Variants in FOCAD observed in about 807,000 individuals in gnomAD.
The protein encoded by FOCAD is focadhesin.
Under a neutral mutation model 225.6 loss-of-function variants are expected in FOCAD, and 198 were observed. That is an observed-to-expected ratio of 0.88 (90% CI 0.78 to 0.99). The LOEUF (loss-of-function observed/expected upper bound fraction) is 0.99. Among genes scored for constraint, FOCAD ranks in the 50% least tolerant of loss-of-function variants. The pLI, the probability that FOCAD is intolerant of heterozygous loss-of-function variation, is 0.00. For synonymous variants in FOCAD, 897 were observed against 755.0 expected (o/e 1.19, Z -3.08); for missense variants, 2,713 against 2,123.6 (o/e 1.28, Z -5.46).
In FOCAD at chr9:20,765,025, G is replaced by C. The variant is rs1382549032; in HGVS notation, c.651G>C (p.Leu217=). The C allele has an allele frequency of 6.2e-7, 1 of 1,614,058 alleles. No homozygotes were observed. The highest frequency in any genetic ancestry group is 8.5e-7 in the Non-Finnish European group (1 of 1,180,000). The change falls in exon 7 of 44, where the codon CTG becomes CTC. Residue 217 remains leucine (L), a synonymous_variant. Coordinates refer to ENST00000338382, the MANE Select transcript of FOCAD (RefSeq NM_001375567.1). ...GTGACAAAGATCAACCATCAATACT[G>C]GAACAGCAGATACTTCAACTGTGTT... The part of the protein sequence containing the change: ...VLCDKDQPSI[L]EQQILQLCCD...
chr9:20,946,855 G>T (rs1475019264), intron 30 of FOCAD, 35 bp downstream of exon 30: 1 of 1,606,086 alleles, frequency 6.2e-7, no homozygotes. Context: ...TCTCTCTGTG[G>T]GTCTCATGCT....
chr9:20,820,116 T>C (rs1824157749), intron 12 of FOCAD, among the ~76,000 whole-genome samples: 1 of 152,110 alleles, frequency 6.6e-6, no homozygotes, highest in Non-Finnish European at 1.5e-5. Flanking sequence ...TCACTTTGGC[T>C]ATTCTCTGAG....
chr9:20,678,973 C>T (rs1045102780), intron 2 of FOCAD, among the ~76,000 whole-genome samples: 1 of 152,138 alleles, frequency 6.6e-6, no homozygotes, highest in African/African-American at 2.4e-5. Context: ...AAGGTAACAT[C>T]TCAGCAAAGA....
intron 11 of FOCAD, among the ~76,000 whole-genome samples, chr9:20,798,814 A>AT (rs1210926083): frequency 6.6e-6 from 1 of 151,680 alleles, no homozygotes; most frequent in Non-Finnish European, 1.5e-5. Context: ...GGATTCATTG[A>AT]TTTTTTTGAA....
intron 41 of FOCAD, among the ~76,000 whole-genome samples, chr9:20,989,427 T>C (rs576018493): frequency 2.0e-5 from 3 of 152,212 alleles, no homozygotes; most frequent in African/African-American, 7.2e-5. Flanking sequence ...TAAATCACAG[T>C]AATCCAACTA....
At chr9:20,935,931 T>A (rs563784328) in intron 28 of FOCAD, among the ~76,000 whole-genome samples, 2 of 152,220 alleles carry the variant, frequency 1.3e-5, no homozygotes, top group Non-Finnish European at 2.9e-5. Context: ...TTTAAAATTA[T>A]TTTCTCATTT....
Position 20,661,446 on chromosome 9 carries a change from G to A in FOCAD, c.-78+2620G>A, listed in dbSNP as rs181590454. ...AAAACCTGACTTGGTTGTGAGGAGT[G>A]GGGAAAGGGAGGTGTTAAAAATGAG... On this transcript the variant is annotated intron_variant, in intron 2 of 45. Coordinates refer to the FOCAD transcript ENST00000380249. Among the ~76,000 whole-genome samples, 332 of 152,204 alleles carry A rather than the reference G, an allele frequency of 2.2e-3. 2 individuals are homozygous for A. The Middle Eastern group carries it at 0.031, about 14-fold the overall frequency.
chr9:20,965,726 G>T lies in FOCAD; in HGVS notation c.4133-10694G>T, dbSNP rs187178598. Reference sequence around the variant, plus strand: ...CCAAGATCCTAGCAACCAATAATTTGCTTTCTGTCTTTATGTATTTTCCTT... The same window carrying T: ...CCAAGATCCTAGCAACCAATAATTTTCTTTCTGTCTTTATGTATTTTCCTT... On this transcript the variant is annotated intron_variant, in intron 35 of 43. Coordinates refer to ENST00000338382, the MANE Select transcript of FOCAD (RefSeq NM_001375567.1). Among the ~76,000 whole-genome samples the T allele has an allele frequency of 3.1e-3, 467 of 152,140 alleles. 4 individuals are homozygous for T. Among genetic ancestry groups the T allele is most frequent in the African/African-American group, 0.011 (452 of 41,504 alleles).
intron 22 of FOCAD, among the ~76,000 whole-genome samples, chr9:20,911,221 T>G (rs906174634): frequency 1.3e-5 from 2 of 152,104 alleles, no homozygotes; most frequent in Non-Finnish European, 2.9e-5. Flanking sequence ...AATTCTATCT[T>G]TGAAAGTATG....
chr9:20,907,257 G>A lies in FOCAD; in HGVS notation c.2718+15G>A. 1 of 1,605,858 alleles carries A rather than the reference G, an allele frequency of 6.2e-7. No individual in the cohort carries two copies. The highest frequency in any genetic ancestry group is 8.5e-7 in the Non-Finnish European group (1 of 1,173,040). ...CCATTTTACAGGTAATGAAACCACAGGATAGGTTTGCTTTGGCGAAATGTC... is the reference window on the plus strand; with the variant it reads ...CCATTTTACAGGTAATGAAACCACAAGATAGGTTTGCTTTGGCGAAATGTC... On this transcript the variant is annotated intron_variant, in intron 22 of 43. Coordinates refer to ENST00000338382, the MANE Select transcript of FOCAD (RefSeq NM_001375567.1).
At chr9:20,991,097 C>T (rs539982759) in intron 42 of FOCAD, among the ~76,000 whole-genome samples, 2 of 152,218 alleles carry the variant, frequency 1.3e-5, no homozygotes, top group South Asian at 4.1e-4. Flanking sequence ...ATGTTGAGGG[C>T]TTTGTATGTG....
chr9:20,679,696 G>C (rs760017765), upstream of FOCAD, among the ~76,000 whole-genome samples: 1 of 152,126 alleles, frequency 6.6e-6, no homozygotes, highest in Non-Finnish European at 1.5e-5. Flanking sequence ...AATAATACAA[G>C]GAGTTGAACA....
chr9:20,881,592 T>C (rs1379877699), intron 19 of FOCAD, among the ~76,000 whole-genome samples: 1 of 152,032 alleles, frequency 6.6e-6, no homozygotes, highest in Non-Finnish European at 1.5e-5. Flanking sequence ...GAGAAACTGA[T>C]GGATTTGGGA....
At chr9:20,861,066 A>C (rs1430655104) in intron 15 of FOCAD, among the ~76,000 whole-genome samples, 1 of 152,014 alleles carries the variant, frequency 6.6e-6, no homozygotes, top group African/African-American at 2.4e-5. Flanking sequence ...ATCTCTTCTC[A>C]GGTCTTATCA....
intron 10 of FOCAD, among the ~76,000 whole-genome samples, chr9:20,783,141 T>C (rs1220763943): frequency 6.6e-6 from 1 of 152,200 alleles, no homozygotes; most frequent in Non-Finnish European, 1.5e-5. Context: ...AAGTGTTATT[T>C]ACTGAGGATC....
intron 10 of FOCAD, among the ~76,000 whole-genome samples, chr9:20,782,199 A>G (rs1340905445): frequency 1.3e-5 from 2 of 152,224 alleles, no homozygotes; most frequent in African/African-American, 4.8e-5. Flanking sequence ...AGAGTTCTTC[A>G]GAAAAGGAAC....
intron 28 of FOCAD, among the ~76,000 whole-genome samples, chr9:20,933,635 G>C (rs2132231384): frequency 6.6e-6 from 1 of 152,186 alleles, no homozygotes; most frequent in Admixed American, 6.5e-5. Flanking sequence ...ATTTGAGTTG[G>C]TTCCACGTTT....
chr9:20,975,878 A>G (rs1428658028), intron 35 of FOCAD, among the ~76,000 whole-genome samples: 1 of 152,176 alleles, frequency 6.6e-6, no homozygotes, highest in Non-Finnish European at 1.5e-5. Context: ...GGTAGAGAGT[A>G]TAGAATAGTG....
At chr9:20,884,896 C>G (rs1264526919) in intron 20 of FOCAD, among the ~76,000 whole-genome samples, 1 of 151,662 alleles carries the variant, frequency 6.6e-6, no homozygotes, top group Non-Finnish European at 1.5e-5. Flanking sequence ...CCTGTCTCCA[C>G]TAAACTTAAA....
Sources: allele counts gnomAD v4.1 joint callset (sites outside exome capture counted in the v4.1 genomes callset), GRCh38; gene constraint gnomAD v4.1.1; transcripts MANE v1.5; gene names NCBI Gene and HGNC (gene_info 2026-07-23, HGNC 2026-07-21).